The following USP24 variants were observed in gnomAD, a reference collection of about 807,000 sequenced individuals.
USP24 encodes the protein ubiquitin specific peptidase 24.
In USP24, 97 loss-of-function variants were observed where a neutral mutation model predicts 361.6. The observed-to-expected ratio is 0.27, with a 90% CI of 0.23 to 0.32. USP24 has a LOEUF of 0.32. Among genes scored for constraint, USP24 ranks in the 10% least tolerant of loss-of-function variants. The pLI is 1.00. For synonymous variants in USP24, 1,098 were observed against 1,124.6 expected, an observed-to-expected ratio of 0.98 and a Z score of 0.47; for missense variants, 2,353 against 3,165.6, an observed-to-expected ratio of 0.74 and a Z score of 6.16.
chr1:55,143,597 TGAATAAAAAGGACTTG>T (rs1048651623), intron 21 of USP24, among the ~76,000 whole-genome samples: 3 of 151,874 alleles, frequency 2.0e-5, no homozygotes, highest in African/African-American at 7.3e-5. Context: ...AGCCATGTCC[TGAATAAAAAGGACTTG>T]GAAAAAGAGT....
At chr1:55,172,958 T>C (rs189607025) in intron 3 of USP24, among the ~76,000 whole-genome samples, 23 of 152,326 alleles carry the variant, frequency 1.5e-4, no homozygotes, top group African/African-American at 5.5e-4. Flanking sequence ...ACAAATGTTA[T>C]GAGGATTAAA....
chr1:55,120,630 A>C lies in USP24; in HGVS notation c.4474T>G (p.Ser1492Ala). The C allele has an allele frequency of 6.4e-7, 1 of 1,557,694 alleles. No individual in the cohort carries two copies. The highest frequency in any genetic ancestry group is 8.7e-7 in the Non-Finnish European group (1 of 1,149,834). Residue 1492 changes from serine to alanine, a missense_variant, in exon 38 of 68, where the codon TCT becomes GCT. Coordinates refer to ENST00000294383, the MANE Select transcript of USP24 (RefSeq NM_015306.3). ...ACTCCTCTCATAATACTAGTTGGAG[A>C]CCAGAGAGGCAGCTGAGCCGTGAGG... is the stretch of plus-strand genomic sequence containing the variant. ...VILTAQLPLW[S>A]PTSIMRGVNQ...
chr1:55,198,848 G>T (rs561835882), intron 1 of USP24, among the ~76,000 whole-genome samples: 1 of 152,192 alleles, frequency 6.6e-6, no homozygotes, highest in Admixed American at 6.5e-5. Context: ...ATTTTCGTTT[G>T]GTTTTCCTTA....
chr1:55,200,612 AAC>A (rs1236881766), intron 1 of USP24, among the ~76,000 whole-genome samples: 5 of 152,244 alleles, frequency 3.3e-5, no homozygotes, highest in African/African-American at 9.6e-5. Context: ...CACTTGGATT[AAC>A]AGTGTCATCA....
chr1:55,187,577 A>G (rs1644167869), intron 1 of USP24, among the ~76,000 whole-genome samples: 1 of 152,206 alleles, frequency 6.6e-6, no homozygotes, highest in Non-Finnish European at 1.5e-5. Context: ...ACCAGAATAA[A>G]TGAGTTCAGC....
chr1:55,125,887 C>A (rs1646414903), intron 32 of USP24, 129 bp from the exon 33 acceptor site: 2 of 731,080 alleles, frequency 2.7e-6, no homozygotes, highest in South Asian at 2.1e-5. Context: ...ATAAAAAGAG[C>A]CTACATATAT....
chr1:55,198,142 T>C (rs918848029), intron 1 of USP24, among the ~76,000 whole-genome samples: 2 of 106,016 alleles, frequency 1.9e-5, no homozygotes, highest in Non-Finnish European at 4.1e-5. Flanking sequence ...TTTAAAAAAA[T>C]ATTAAAAATA....
rs573303469 is a variant in USP24 at position 55,182,144 on chromosome 1, C to T, written c.325-4012G>A. 3.7e-4 allele frequency among the ~76,000 whole-genome samples: 56 copies of T among 152,312 alleles called. No homozygotes were observed. The East Asian group carries it at 0.01, about 28-fold the overall frequency. The stretch of plus-strand genomic sequence containing the variant: ...TCAGCTCACAGCAACTTCCGCTTCC[C>T]GGGTTCAAGCGATTCTCCTGCCTCA... On this transcript the variant is annotated intron_variant, in intron 1 of 67. Transcript: ENST00000294383.
intron 62 of USP24, among the ~76,000 whole-genome samples, chr1:55,075,840 G>A (rs1247454312): frequency 6.6e-6 from 1 of 152,040 alleles, no homozygotes; most frequent in Non-Finnish European, 1.5e-5. Flanking sequence ...ACAGTGACAT[G>A]TGCCTGTAGT....
intron 38 of USP24, among the ~76,000 whole-genome samples, chr1:55,112,063 A>G: frequency 6.6e-6 from 1 of 152,302 alleles, no homozygotes; most frequent in African/African-American, 2.4e-5. Context: ...TCAAGAATGG[A>G]TCAAAGAAAC....
Position 55,137,901 on chromosome 1 carries a change from G to A in USP24, c.2932C>T (p.His978Tyr). ...ACACTCCCTATGGTTTCATTACTGT[G>A]AGCCTGTAAAATAAAATTAAACACG... ...STKDTFTVEAHSNETIGSVRW... is the reference protein window; with the variant it reads ...STKDTFTVEAYSNETIGSVRW... Residue 978 changes from histidine to tyrosine, a missense_variant, in exon 27 of 68, where the codon CAC becomes TAC. His to Tyr is a moderately conservative substitution (Grantham distance 83, BLOSUM62 2). This residue lies in a region of USP24 where 949 missense variants were observed against 1,280.5 expected (regional missense o/e 0.74). Transcript: ENST00000294383. 6.3e-7 allele frequency: 1 copy of A among 1,581,750 alleles called. No homozygotes were observed. The highest frequency in any genetic ancestry group is 8.6e-7 in the Non-Finnish European group (1 of 1,162,672).
At chr1:55,144,282 A>C (rs915925839) in intron 20 of USP24, 79 bp from the exon 21 acceptor site, 6 of 956,274 alleles carry the variant, frequency 6.3e-6, no homozygotes, top group East Asian at 2.9e-5. Context: ...AAGTGGATCA[A>C]GAACTAAAAC....
At chr1:55,103,566 T>C (rs1299858406) in intron 42 of USP24, among the ~76,000 whole-genome samples, 1 of 152,236 alleles carries the variant, frequency 6.6e-6, no homozygotes, top group East Asian at 1.9e-4. Context: ...CTTGTATCTC[T>C]AGGGTCTGGC....
intron 62 of USP24, among the ~76,000 whole-genome samples, chr1:55,075,797 T>C (rs1314383011): frequency 6.6e-6 from 1 of 151,852 alleles, no homozygotes; most frequent in African/African-American, 2.4e-5. Flanking sequence ...CAAGATCCCA[T>C]CTCTAAAAAA....
At chr1:55,127,408 T>C (rs1646464372) in intron 32 of USP24, among the ~76,000 whole-genome samples, 2 of 152,234 alleles carry the variant, frequency 1.3e-5, no homozygotes, top group African/African-American at 4.8e-5. Flanking sequence ...CATCCTTTTT[T>C]ATGGCTGCAG....
In USP24 at chr1:55,095,273, T is replaced by G. The variant is rs1645471252; in HGVS notation, c.6185A>C (p.Glu2062Ala). The part of the protein sequence containing the change: ...KKSRVSVVRQ[E>A]AEDLSLSAPS... ...CACTTACAGAGAGAGATCCTCAGCTTCCTGCCGTACAACGCTGACTCGACT... is the reference window on the plus strand; with the variant it reads ...CACTTACAGAGAGAGATCCTCAGCTGCCTGCCGTACAACGCTGACTCGACT... The change falls in exon 51 of 68, where the codon GAA (glutamate) becomes GCA (alanine). Residue 2062 changes from glutamate to alanine, a missense_variant. Glu to Ala is a moderately radical substitution (Grantham distance 107). This residue lies in a region of USP24 where 598 missense variants were observed against 761.9 expected (regional missense o/e 0.78). Transcript: ENST00000294383. 2 of 1,613,700 alleles carry G rather than the reference T, an allele frequency of 1.2e-6. No homozygotes were observed. Among genetic ancestry groups the G allele is most frequent in the Non-Finnish European group, 1.7e-6 (2 of 1,179,796 alleles).
rs373271968 is a variant in USP24, at chr1:55,081,421, G to A, written c.6979C>T (p.Arg2327Cys). The change falls in exon 59 of 68, where the codon CGT becomes TGT. Residue 2327 changes from arginine (R) to cysteine (C), a missense_variant. Transcript: ENST00000294383. ...LGASRQNNQI[R>C]RWSSAQAREF... ...CGTGCTTGTGCTGAACTCCATCGAC[G>A]TATCTGTCATCAGGGAAGATAAAGT... 12 of 1,613,292 alleles carry A rather than the reference G, an allele frequency of 7.4e-6. No individual in the cohort carries two copies. The highest frequency in any genetic ancestry group is 2.7e-5 in the African/African-American group (2 of 74,880).
At chr1:55,072,091 A>C (rs1472905829) in intron 66 of USP24, among the ~76,000 whole-genome samples, 167 bp from the exon 67 acceptor site, 1 of 152,064 alleles carries the variant, frequency 6.6e-6, no homozygotes, top group East Asian at 1.9e-4. Flanking sequence ...CCTTTTTGTG[A>C]CCAGACTGCC....
At chr1:55,121,979 C>G (rs1402705589) in intron 36 of USP24, among the ~76,000 whole-genome samples, 4 of 152,122 alleles carry the variant, frequency 2.6e-5, no homozygotes, top group Non-Finnish European at 5.9e-5. Flanking sequence ...GTTGCTAAAA[C>G]TTCATTTCTG....
Sources: allele counts gnomAD v4.1 joint callset (sites outside exome capture counted in the v4.1 genomes callset), GRCh38; gene constraint gnomAD v4.1.1; regional missense constraint gnomAD v4.1.1; transcripts MANE v1.5; gene names NCBI Gene and HGNC (gene_info 2026-07-23, HGNC 2026-07-21).